The following GLIS3 variants were observed in gnomAD, a reference collection of about 807,000 sequenced individuals.
GLIS3 encodes the protein zinc finger protein GLIS3.
GLIS3 carries 53 observed loss-of-function variants against 78.6 expected under a neutral mutation model. The ratio of observed to expected loss-of-function variants is 0.67; its 90% CI spans 0.54 to 0.85. GLIS3 has a LOEUF of 0.85. Among genes scored for constraint, GLIS3 ranks in the 40% least tolerant of loss-of-function variants. The pLI, the probability that GLIS3 is intolerant of heterozygous loss-of-function variation, is 0.00. For missense variants in GLIS3, 1,703 were observed against 1,231.1 expected, an observed-to-expected ratio of 1.38 and a Z score of -5.74; for synonymous variants, 684 against 509.9, an observed-to-expected ratio of 1.34 and a Z score of -4.60.
intron 2 of GLIS3, among the ~76,000 whole-genome samples, chr9:4,251,795 G>T (rs150461695): frequency 6.6e-6 from 1 of 152,122 alleles, no homozygotes; most frequent in African/African-American, 2.4e-5. Flanking sequence ...TGTAAGGCAG[G>T]CCTGGTAGTG....
chr9:4,129,898 A>T (rs1832846262), intron 2 of GLIS3, among the ~76,000 whole-genome samples: 1 of 152,202 alleles, frequency 6.6e-6, no homozygotes, highest in South Asian at 2.1e-4. Flanking sequence ...GACTGCCCGA[A>T]TTATGACCAA....
chr9:3,879,760 T>A (rs1335106224), intron 7 of GLIS3, among the ~76,000 whole-genome samples, 165 bp from the exon 8 acceptor site: 4 of 152,174 alleles, frequency 2.6e-5, no homozygotes, highest in South Asian at 2.1e-4. Flanking sequence ...GCTTTTATTT[T>A]CATGGTGGAA....
At chr9:4,054,010 C>T (rs531905829) in intron 4 of GLIS3, among the ~76,000 whole-genome samples, 1 of 152,204 alleles carries the variant, frequency 6.6e-6, no homozygotes, top group African/African-American at 2.4e-5. Context: ...AGTCAAGTTA[C>T]TCTTTGAATA....
intron 2 of GLIS3, among the ~76,000 whole-genome samples, chr9:4,260,671 G>A (rs955231472): frequency 7.9e-5 from 12 of 151,870 alleles, no homozygotes; most frequent in East Asian, 1.9e-4. Context: ...TGTTGAACCC[G>A]GGAGGCGGAG....
At position 4,018,911 on chromosome 9, in the gene GLIS3, T is replaced by A. The variant is rs78632066; in HGVS notation, c.1711-81722A>T. Among the ~76,000 whole-genome samples, 16 of 152,338 alleles carry A rather than the reference T, an allele frequency of 1.1e-4. No homozygotes were observed. The East Asian group carries it at 2.9e-3, about 28-fold the overall frequency. On this transcript the variant is annotated intron_variant, in intron 4 of 10. Coordinates refer to ENST00000381971, the MANE Select transcript of GLIS3 (RefSeq NM_001042413.2). ...AGCAAGTGTGAATAATCTTTGAATG[T>A]GACAGGCTGAGGTTCAAATTCCAGG...
the GLIS3 span, among the ~76,000 whole-genome samples, chr9:4,378,921 G>C: frequency 6.6e-6 from 1 of 152,208 alleles, no homozygotes; most frequent in African/African-American, 2.4e-5. Flanking sequence ...ATCAAGCCAA[G>C]TGTTTGGGTT....
chr9:4,293,137 T>C (rs1587337226), intron 1 of GLIS3, among the ~76,000 whole-genome samples: 1 of 152,176 alleles, frequency 6.6e-6, no homozygotes, highest in Admixed American at 6.5e-5. Context: ...GAAAAGAGCA[T>C]TCATTATCCT....
the GLIS3 span, among the ~76,000 whole-genome samples, chr9:4,396,775 T>C: frequency 6.6e-6 from 1 of 152,182 alleles, no homozygotes; most frequent in Non-Finnish European, 1.5e-5. Flanking sequence ...AGTCCTTTCA[T>C]GGAACCCAGG....
Position 3,869,115 on chromosome 9 carries a change from T to C in GLIS3, c.2297+10312A>G, listed in dbSNP as rs80351351. On this transcript the variant is annotated intron_variant, in intron 8 of 10. Transcript: ENST00000381971. The stretch of plus-strand genomic sequence containing the variant: ...TCAGTGTCCAGCATACTGCCTGGTA[T>C]ATAAACACCAGCGAAAGACAATAAA... Among the ~76,000 whole-genome samples, 948 of 152,330 alleles carry C rather than the reference T, an allele frequency of 6.2e-3. 11 individuals carry two copies. Among genetic ancestry groups the C allele is most frequent in the African/African-American group, 0.022 (922 of 41,566 alleles).
At chr9:3,950,930 C>T (rs951836937) in intron 4 of GLIS3, among the ~76,000 whole-genome samples, 1 of 152,110 alleles carries the variant, frequency 6.6e-6, no homozygotes, top group Non-Finnish European at 1.5e-5. Context: ...CTCAGAATAA[C>T]CATAAATTCA....
intron 2 of GLIS3, among the ~76,000 whole-genome samples, chr9:4,338,024 C>CTGTGTGTGTGTGTG (rs74777663): frequency 2.9e-5 from 4 of 138,972 alleles, no homozygotes; most frequent in African/African-American, 8.7e-5. Flanking sequence ...ATTGGCAAGG[C>CTGTGTGTGTGTGTG]TGTGTGTGTG....
chr9:3,987,605 G>A (rs1000895364), intron 4 of GLIS3, among the ~76,000 whole-genome samples: 3 of 151,112 alleles, frequency 2.0e-5, no homozygotes, highest in African/African-American at 7.3e-5. Context: ...AGGAGGCTGA[G>A]GCAGGCACTT....
At chr9:4,405,889 T>A in the GLIS3 span, among the ~76,000 whole-genome samples, 1 of 152,190 alleles carries the variant, frequency 6.6e-6, no homozygotes, top group Non-Finnish European at 1.5e-5. Flanking sequence ...ATGGGATTTA[T>A]CCCAGGGATG....
intron 4 of GLIS3, among the ~76,000 whole-genome samples, chr9:4,089,127 A>T (rs573382798): frequency 6.8e-4 from 103 of 152,334 alleles, no homozygotes; most frequent in African/African-American, 2.3e-3. Flanking sequence ...GATGTGGCCT[A>T]GTTTTTTATG....
chr9:4,325,909 G>C (rs1007394030), intron 2 of GLIS3, among the ~76,000 whole-genome samples: 34 of 152,298 alleles, frequency 2.2e-4, no homozygotes, highest in Non-Finnish European at 8.8e-5. Context: ...CTGGGACATG[G>C]ATCGAGCTGG....
the GLIS3 span, among the ~76,000 whole-genome samples, chr9:4,447,038 C>T: frequency 6.6e-6 from 1 of 151,942 alleles, no homozygotes; most frequent in Non-Finnish European, 1.5e-5. Context: ...GACCTCTATG[C>T]CATAATGCTT....
At chr9:4,265,171 CAA>C (rs748851157) in intron 2 of GLIS3, among the ~76,000 whole-genome samples, 16 of 84,270 alleles carry the variant, frequency 1.9e-4, no homozygotes, top group Admixed American at 3.9e-4. Flanking sequence ...GACGCCGTCT[CAA>C]AAAAAAAAAA....
chr9:4,061,052 G>C (rs1826605522), intron 4 of GLIS3, among the ~76,000 whole-genome samples: 1 of 147,370 alleles, frequency 6.8e-6, no homozygotes, highest in Non-Finnish European at 1.5e-5. Context: ...CTTCATAATG[G>C]CTACTGATCC....
chr9:4,323,900 A>G (rs1416019184), intron 2 of GLIS3, among the ~76,000 whole-genome samples: 1 of 152,236 alleles, frequency 6.6e-6, no homozygotes, highest in East Asian at 1.9e-4. Context: ...ACATATTAAG[A>G]AATAAGTAAC....
Sources: allele counts gnomAD v4.1 joint callset (sites outside exome capture counted in the v4.1 genomes callset), GRCh38; gene constraint gnomAD v4.1.1; transcripts MANE v1.5; gene names NCBI Gene and HGNC (gene_info 2026-07-23, HGNC 2026-07-21).